Variants in KLHDC2 observed in about 807,000 individuals in gnomAD.
KLHDC2 encodes the protein kelch domain-containing protein 2.
KLHDC2 carries 38 observed loss-of-function variants against 62.3 expected under a neutral mutation model. That is an observed-to-expected ratio of 0.61 (90% CI 0.47 to 0.80). The LOEUF (loss-of-function observed/expected upper bound fraction) is 0.80. Ranked by LOEUF, KLHDC2 falls within the 30% of genes least tolerant of loss-of-function variation. The pLI, the probability that KLHDC2 is intolerant of heterozygous loss-of-function variation, is 0.00. For missense variants in KLHDC2, 430 were observed against 495.3 expected, an observed-to-expected ratio of 0.87 and a Z score of 1.25; for synonymous variants, 159 against 161.0, an observed-to-expected ratio of 0.99 and a Z score of 0.09.
intron 2 of KLHDC2, among the ~76,000 whole-genome samples, chr14:49,773,966 A>C (rs1032521707): frequency 6.6e-6 from 1 of 152,226 alleles, no homozygotes; most frequent in Non-Finnish European, 1.5e-5. Flanking sequence ...TTAGCAGAAG[A>C]CCTTGAGTAT....
chr14:49,781,326 G>A (rs4900954), intron 10 of KLHDC2, among the ~76,000 whole-genome samples: 141,125 of 149,046 alleles, frequency 0.95, 67,318 homozygotes, highest in East Asian at 1. Flanking sequence ...CTGAGATCGT[G>A]CCTTTGCACT....
intron 10 of KLHDC2, among the ~76,000 whole-genome samples, chr14:49,781,809 ACT>A (rs1889916457): frequency 6.6e-6 from 1 of 152,196 alleles, no homozygotes; most frequent in Admixed American, 6.5e-5. Context: ...CTTATTAAAC[ACT>A]GATAATTTTC....
At chr14:49,775,842 G>A (rs1039933349) in intron 3 of KLHDC2, among the ~76,000 whole-genome samples, 1 of 152,008 alleles carries the variant, frequency 6.6e-6, no homozygotes, top group African/African-American at 2.4e-5. Context: ...GGCCAGGCTG[G>A]TCTTAAACTC....
chr14:49,773,030 A>T (rs1028354312), intron 2 of KLHDC2, among the ~76,000 whole-genome samples: 1 of 152,240 alleles, frequency 6.6e-6, no homozygotes, highest in African/African-American at 2.4e-5. Flanking sequence ...AATTGGTGTT[A>T]ATATGAAGCT....
chr14:49,785,232 A>G lies in KLHDC2; in HGVS notation c.*2279A>G. 2 of 1,613,556 alleles carry G rather than the reference A, an allele frequency of 1.2e-6. No individual in the cohort carries two copies. The highest frequency in any genetic ancestry group is 1.7e-6 in the Non-Finnish European group (2 of 1,179,486). ...AATGGTAACTTACTTGTAGTTTGTC[A>G]TGGTGGTGTAAGGGGCACATATTGG... On this transcript the variant is annotated 3_prime_UTR_variant, in exon 13 of 13. Transcript: ENST00000298307.
intron 3 of KLHDC2, among the ~76,000 whole-genome samples, chr14:49,775,594 T>TA (rs1345294693): frequency 6.9e-6 from 1 of 144,018 alleles, no homozygotes; most frequent in Non-Finnish European, 1.5e-5. Context: ...GTAGCCAAGA[T>TA]ACAGAGATAT....
Position 49,785,361 on chromosome 14 carries a change from G to T in KLHDC2, c.*2408G>T, listed in dbSNP as rs756443560. ...AACAGTTACAAAGGCAATTTATACCGCCCTTTACAAAAAATGCTAAAACAC... is the reference window on the plus strand; with the variant it reads ...AACAGTTACAAAGGCAATTTATACCTCCCTTTACAAAAAATGCTAAAACAC... On this transcript the variant is annotated 3_prime_UTR_variant, in exon 13 of 13. Coordinates refer to ENST00000298307, the MANE Select transcript of KLHDC2 (RefSeq NM_014315.3). 1.5e-6 allele frequency: 2 copies of T among 1,378,262 alleles called. No homozygotes were observed. The highest frequency in any genetic ancestry group is 1.2e-5 in the South Asian group (1 of 86,008). The allele number at this position is 1,378,262 out of a possible 1,614,324, so 85.4% of individuals were successfully genotyped here.
In KLHDC2 at chr14:49,768,398, C is replaced by G; in HGVS notation, c.-71C>G. On this transcript the variant is annotated 5_prime_UTR_variant, in exon 1 of 13. Transcript: ENST00000298307. ...TTGCCTCGCGCCGCTGTGCATTTCT[C>G]TCCTTTTCCTTTGTTTTTTTGGCCC... The G allele has an allele frequency of 6.5e-7, 1 of 1,529,380 alleles. No homozygotes were observed. The highest frequency in any genetic ancestry group is 1.2e-5 in the South Asian group (1 of 82,622). The allele number at this position is 1,529,380 out of a possible 1,614,324, so 94.7% of individuals were successfully genotyped here. A position where few individuals can be genotyped will look rare whatever the true frequency, so the allele number is the denominator to read the frequency against.
chr14:49,778,555 G>GTGGGGGGGGT, intron 6 of KLHDC2, 61 bp downstream of exon 6: 1 of 330,182 alleles, frequency 3.0e-6, no homozygotes, highest in Non-Finnish European at 6.3e-6. Flanking sequence ...GAGGGGTGGG[G>GTGGGGGGGGT]TAGGGGAGAG....
rs142252224 is a variant in KLHDC2 at position 49,778,241 on chromosome 14, C to T, written c.531C>T (p.Phe177=). Residue 177 remains phenylalanine (F), a synonymous_variant, in exon 5 of 13, where the codon TTC becomes TTT. Transcript: ENST00000298307. ...ATAAAGTATTGGGAACTTTTGAATT[C>T]GATGAAACATCTTTTTGGGTAAGTG... The part of the protein sequence containing the change: ...PEDKVLGTFE[F]DETSFWNSSH... 2.0e-5 allele frequency: 32 copies of T among 1,606,000 alleles called. No homozygotes were observed. The highest frequency in any genetic ancestry group is 4.0e-5 in the African/African-American group (3 of 74,788).
chr14:49,779,889 GCTTAA>G (rs1186666878), intron 8 of KLHDC2, 83 bp downstream of exon 8: 2 of 949,120 alleles, frequency 2.1e-6, no homozygotes, highest in Admixed American at 2.2e-5. Context: ...TAATGTCCTT[GCTTAA>G]CTTTTCTTTA....
chr14:49,772,135 T>C (rs796151439), intron 2 of KLHDC2, among the ~76,000 whole-genome samples: 30 of 152,344 alleles, frequency 2.0e-4, no homozygotes, highest in African/African-American at 7.0e-4. Flanking sequence ...CTAGATACTT[T>C]TATGAACTTA....
At position 49,768,628 on chromosome 14, in the gene KLHDC2, G is replaced by C; in HGVS notation, c.153+7G>C. The C allele has an allele frequency of 6.3e-7, 1 of 1,579,378 alleles. No individual in the cohort carries two copies. The highest frequency in any genetic ancestry group is 2.4e-5 in the East Asian group (1 of 42,334). ...CGTCTGGGGCGGCTACAAGGTCAGT[G>C]AGTGGCCGGGCCGCGACGGACGTCG... On this transcript the variant is annotated splice_region_variant and intron_variant, in intron 1 of 12. Transcript: ENST00000298307.
At chr14:49,779,883 G>A (rs1426677836) in intron 8 of KLHDC2, 77 bp downstream of exon 8, 2 of 997,106 alleles carry the variant, frequency 2.0e-6, no homozygotes, top group African/African-American at 1.6e-5. Flanking sequence ...GGTATATAAT[G>A]TCCTTGCTTA....
intron 2 of KLHDC2, among the ~76,000 whole-genome samples, chr14:49,772,326 AT>A (rs1889680974): frequency 6.6e-6 from 1 of 152,216 alleles, no homozygotes; most frequent in Non-Finnish European, 1.5e-5. Flanking sequence ...ATTGTATAGA[AT>A]TTTATCTGCT....
chr14:49,769,522 T>G (rs987890869), intron 1 of KLHDC2, among the ~76,000 whole-genome samples: 1 of 152,248 alleles, frequency 6.6e-6, no homozygotes, highest in Admixed American at 6.5e-5. Flanking sequence ...TGACCATTTT[T>G]GAGATAGCTT....
intron 1 of KLHDC2, 60 bp downstream of exon 1, chr14:49,768,681 C>T (rs935704768): frequency 8.3e-6 from 12 of 1,454,354 alleles, no homozygotes; most frequent in Non-Finnish European, 1.0e-5. Flanking sequence ...TCTGCGTTCG[C>T]GGCCAGGCGG....
At chr14:49,780,573 G>A (rs930816128) in intron 9 of KLHDC2, 130 bp from the exon 10 acceptor site, 1 of 726,874 alleles carries the variant, frequency 1.4e-6, no homozygotes, top group East Asian at 2.6e-5. Flanking sequence ...AATTGCAGGG[G>A]GGGGAAAAAA....
At chr14:49,774,019 A>T (rs961374773) in intron 2 of KLHDC2, among the ~76,000 whole-genome samples, 7 of 152,250 alleles carry the variant, frequency 4.6e-5, no homozygotes, top group African/African-American at 1.7e-4. Flanking sequence ...GTTGATTCAG[A>T]TCAATTTTTA....
Sources: gnomAD v4.1 joint callset for allele counts (sites outside exome capture counted in the v4.1 genomes callset) on GRCh38, gnomAD v4.1.1 for gene constraint, MANE v1.5 for transcripts, NCBI Gene and HGNC (gene_info 2026-07-23, HGNC 2026-07-21) for gene names.